The following CDC20B variants were observed in gnomAD, a reference collection of about 807,000 sequenced individuals.
CDC20B encodes the protein cell division cycle 20B.
CDC20B carries 58 observed loss-of-function variants against 64.1 expected under a neutral mutation model. That is an observed-to-expected ratio of 0.90 (90% CI 0.73 to 1.13). CDC20B has a LOEUF of 1.13. Among genes scored for constraint, CDC20B ranks in the 50% most tolerant of loss-of-function variants. The pLI is 0.00. For missense variants in CDC20B, 597 were observed against 633.0 expected, an observed-to-expected ratio of 0.94 and a Z score of 0.61; for synonymous variants, 243 against 230.6, an observed-to-expected ratio of 1.05 and a Z score of -0.49.
chr5:55,116,178 T>G (rs1308102662), intron 11 of CDC20B, among the ~76,000 whole-genome samples: 1 of 152,226 alleles, frequency 6.6e-6, no homozygotes, highest in African/African-American at 2.4e-5. Context: ...GGAAGACCAC[T>G]GTCTATTATT....
At chr5:55,165,303 A>G (rs1744323474) in intron 2 of CDC20B, 1 of 152,296 alleles carries the variant, frequency 6.6e-6, no homozygotes, top group Middle Eastern at 3.4e-3. Flanking sequence ...TTAGCCTTAT[A>G]ATTGACTAAC....
At chr5:55,123,944 A>G (rs1238232282) in intron 9 of CDC20B, among the ~76,000 whole-genome samples, 1 of 152,144 alleles carries the variant, frequency 6.6e-6, no homozygotes, top group African/African-American at 2.4e-5. Flanking sequence ...GAAGCCCTGT[A>G]ATAACTTTTA....
chr5:55,119,626 T>G (rs139712337), intron 11 of CDC20B, among the ~76,000 whole-genome samples, 175 bp downstream of exon 11: 1 of 152,264 alleles, frequency 6.6e-6, no homozygotes, highest in African/African-American at 2.4e-5. Context: ...TTAGGCAAAT[T>G]CAGAAACATT....
intron 2 of CDC20B, among the ~76,000 whole-genome samples, chr5:55,159,435 A>AGTGTTGTTTCTCAGTTGT (rs1416413449): frequency 2.2e-4 from 34 of 152,290 alleles, no homozygotes; most frequent in Admixed American, 2.0e-3. Flanking sequence ...TCAAAGGAGA[A>AGTGTTGTTTCTCAGTTGT]GTGTTGTTTC....
chr5:55,114,088 G>A lies in CDC20B; in HGVS notation c.*130C>T. On this transcript the variant is annotated 3_prime_UTR_variant, in exon 12 of 12. Coordinates refer to ENST00000381375, the MANE Select transcript of CDC20B (RefSeq NM_001170402.1). This position sits in a 1 kb window ranked among gnomAD's most constrained non-coding sequence, Gnocchi z 4.1. ...AGCAATCTGCAAAAGAAGAACAGGAGAACAGGCATTCACATCAAGAAGAGT... is the reference window on the plus strand; with the variant it reads ...AGCAATCTGCAAAAGAAGAACAGGAAAACAGGCATTCACATCAAGAAGAGT... 7.2e-7 allele frequency: 1 copy of A among 1,396,202 alleles called. No homozygotes were observed. Among genetic ancestry groups the A allele is most frequent in the South Asian group, 1.7e-5 (1 of 59,562 alleles). 86.5% of individuals were successfully genotyped at this position (1,396,202 alleles called of 1,614,324 possible).
At chr5:55,158,845 G>A (rs914752656) in intron 2 of CDC20B, among the ~76,000 whole-genome samples, 8 of 152,140 alleles carry the variant, frequency 5.3e-5, no homozygotes, top group African/African-American at 1.9e-4. Context: ...CCCTGTGCCA[G>A]GCAACAGCCA....
chr5:55,138,456 A>G (rs1460546038), intron 5 of CDC20B, among the ~76,000 whole-genome samples: 1 of 152,106 alleles, frequency 6.6e-6, no homozygotes. Flanking sequence ...CACCGCGCCT[A>G]TACTAATATC....
At chr5:55,165,558 G>C (rs964478056) in intron 2 of CDC20B, 1 of 152,180 alleles carries the variant, frequency 6.6e-6, no homozygotes, top group Non-Finnish European at 1.5e-5. Context: ...TTCTGTATAC[G>C]TATTTGGACC....
chr5:55,143,328 G>T (rs1743380325), intron 4 of CDC20B, among the ~76,000 whole-genome samples, 185 bp downstream of exon 4: 1 of 151,852 alleles, frequency 6.6e-6, no homozygotes, highest in South Asian at 2.1e-4. Flanking sequence ...CATATATTTG[G>T]GGGATATCTT....
chr5:55,169,238 C>T (rs776616363), intron 2 of CDC20B, among the ~76,000 whole-genome samples: 1 of 152,042 alleles, frequency 6.6e-6, no homozygotes, highest in Non-Finnish European at 1.5e-5. Flanking sequence ...TAGTAAAATG[C>T]GTAAGAATCA....
chr5:55,164,293 T>C (rs1407770977), intron 2 of CDC20B: 1 of 1,169,888 alleles, frequency 8.5e-7, no homozygotes, highest in Non-Finnish European at 1.1e-6. Context: ...CATTTTTTTT[T>C]TGGAGACAGT....
chr5:55,129,985 C>T (rs569581021), intron 6 of CDC20B, among the ~76,000 whole-genome samples: 1 of 152,224 alleles, frequency 6.6e-6, no homozygotes, highest in Admixed American at 6.5e-5. Flanking sequence ...TAGATGAAAA[C>T]TCCAAGGTGA....
Position 55,140,360 on chromosome 5 carries a change from A to T in CDC20B, c.534T>A (p.Ala178=). 1 of 1,613,654 alleles carries T rather than the reference A, an allele frequency of 6.2e-7. No homozygotes were observed. ...GCTCACAGAGCTGCATTTTTCCATTAGCCTGCTGAACCACGTTCTGGGTTA... is the reference window on the plus strand; with the variant it reads ...GCTCACAGAGCTGCATTTTTCCATTTGCCTGCTGAACCACGTTCTGGGTTA... The part of the protein sequence containing the change: ...LFVTQNVVQQ[A]NGKMQLCEQS... Residue 178 remains alanine (A), a synonymous_variant, in exon 5 of 12, where the codon GCT becomes GCA. Coordinates refer to ENST00000381375, the MANE Select transcript of CDC20B (RefSeq NM_001170402.1).
intron 2 of CDC20B, among the ~76,000 whole-genome samples, chr5:55,150,080 C>T (rs769409871): frequency 2.6e-5 from 4 of 151,912 alleles, no homozygotes; most frequent in Non-Finnish European, 4.4e-5. Flanking sequence ...TGCAGTGAGC[C>T]GAGATCGCAC....
At chr5:55,143,259 A>G (rs549332527) in intron 4 of CDC20B, among the ~76,000 whole-genome samples, 1 of 152,344 alleles carries the variant, frequency 6.6e-6, no homozygotes, top group South Asian at 2.1e-4. Context: ...CCTGTTTGTA[A>G]AGATAAAATA....
intron 8 of CDC20B, among the ~76,000 whole-genome samples, chr5:55,125,837 G>C (rs1742874390): frequency 6.6e-6 from 1 of 152,136 alleles, no homozygotes; most frequent in South Asian, 2.1e-4. Context: ...AGACCAGCTG[G>C]GTTATTCCAA....
chr5:55,140,846 T>C (rs1580350495), intron 4 of CDC20B, among the ~76,000 whole-genome samples: 2 of 152,158 alleles, frequency 1.3e-5, no homozygotes, highest in South Asian at 4.1e-4. Flanking sequence ...CTGGGTCCCA[T>C]CCCTTTGGGC....
intron 2 of CDC20B, among the ~76,000 whole-genome samples, chr5:55,161,863 T>A (rs187806120): frequency 1.8e-4 from 28 of 152,168 alleles, no homozygotes; most frequent in African/African-American, 6.5e-4. Context: ...TCATGAGGCA[T>A]ACAGACAGCA....
chr5:55,142,663 G>A (rs1287685070), intron 4 of CDC20B, among the ~76,000 whole-genome samples: 2 of 152,012 alleles, frequency 1.3e-5, no homozygotes, highest in Non-Finnish European at 2.9e-5. Flanking sequence ...AGGACTCCCC[G>A]GCCATTCCCT....
Sources: allele counts gnomAD v4.1 joint callset (sites outside exome capture counted in the v4.1 genomes callset), GRCh38; gene constraint gnomAD v4.1.1; non-coding constraint Gnocchi (gnomAD v3.1); transcripts MANE v1.5; gene names NCBI Gene and HGNC (gene_info 2026-07-23, HGNC 2026-07-21).